The following FBXL20 variants were observed in gnomAD, a reference collection of about 807,000 sequenced individuals.
The protein encoded by FBXL20 is F-box and leucine rich repeat protein 20.
Under a neutral mutation model 64.0 loss-of-function variants are expected in FBXL20, and 11 were observed. The ratio of observed to expected loss-of-function variants is 0.17; its 90% CI spans 0.11 to 0.28. FBXL20 has a LOEUF of 0.28. FBXL20 is among the 10% of genes least tolerant of loss of function. The pLI is 1.00. For missense variants in FBXL20, 303 were observed against 526.2 expected, an observed-to-expected ratio of 0.58 and a Z score of 4.15; for synonymous variants, 184 against 189.0, an observed-to-expected ratio of 0.97 and a Z score of 0.22.
At chr17:39,302,605 C>A (rs1191556603) in intron 3 of FBXL20, among the ~76,000 whole-genome samples, 2 of 152,142 alleles carry the variant, frequency 1.3e-5, no homozygotes, top group Non-Finnish European at 2.9e-5. Flanking sequence ...TATCTCCCAA[C>A]CTCATGATCT....
At chr17:39,266,970 G>C (rs1449676451) in intron 12 of FBXL20, among the ~76,000 whole-genome samples, 1 of 151,940 alleles carries the variant, frequency 6.6e-6, no homozygotes, top group Non-Finnish European at 1.5e-5. Context: ...AGTCTGAGCA[G>C]GGCCAGACAT....
intron 2 of FBXL20, among the ~76,000 whole-genome samples, chr17:39,335,094 CCT>C (rs757618920): frequency 6.6e-6 from 1 of 152,116 alleles, no homozygotes; most frequent in Non-Finnish European, 1.5e-5. Context: ...TTGTGAAGAC[CCT>C]GTTTCTCTAG....
At chr17:39,379,900 G>A (rs1217359263) in intron 1 of FBXL20, among the ~76,000 whole-genome samples, 1 of 152,110 alleles carries the variant, frequency 6.6e-6, no homozygotes, top group Non-Finnish European at 1.5e-5. Context: ...GATCACTTGA[G>A]CCCAGGAGGT....
At chr17:39,358,504 G>A (rs186732239) in intron 1 of FBXL20, among the ~76,000 whole-genome samples, 2 of 152,080 alleles carry the variant, frequency 1.3e-5, no homozygotes, top group African/African-American at 4.8e-5. Context: ...CCAACATGGC[G>A]AAACCCTGTC....
chr17:39,343,089 T>C, intron 2 of FBXL20, 91 bp downstream of exon 2: 1 of 795,458 alleles, frequency 1.3e-6, no homozygotes, highest in Non-Finnish European at 2.0e-6. Flanking sequence ...ATACTATACA[T>C]ATATGAAAAT....
intron 2 of FBXL20, among the ~76,000 whole-genome samples, chr17:39,336,083 C>A (rs1360629015): frequency 6.6e-6 from 1 of 151,784 alleles, no homozygotes; most frequent in Non-Finnish European, 1.5e-5. Flanking sequence ...CCACCGTATT[C>A]CAGCCTAGGC....
chr17:39,371,921 ACT>A (rs1416616224), intron 1 of FBXL20, among the ~76,000 whole-genome samples: 1 of 151,988 alleles, frequency 6.6e-6, no homozygotes, highest in Non-Finnish European at 1.5e-5. Flanking sequence ...CCCATTATAG[ACT>A]TCTGGAAAGT....
intron 1 of FBXL20, among the ~76,000 whole-genome samples, chr17:39,381,060 T>A (rs2048018342): frequency 6.6e-6 from 1 of 151,474 alleles, no homozygotes; most frequent in African/African-American, 2.4e-5. Flanking sequence ...GTCAGGAGGC[T>A]GAAGCAGGAG....
intron 1 of FBXL20, among the ~76,000 whole-genome samples, chr17:39,363,062 C>T (rs142409025): frequency 5.3e-5 from 8 of 151,740 alleles, no homozygotes; most frequent in East Asian, 2.0e-4. Context: ...TGCAATGGCA[C>T]GCGATCTCAG....
chr17:39,256,269 T>C lies in FBXL20; in HGVS notation c.*5191A>G, dbSNP rs2046694589. ...CCAGGAGGCAGAGGTTGCAGTGAAC[T>C]GAGATTGTGCCATGGCACTCCAACC... On this transcript the variant is annotated 3_prime_UTR_variant, in exon 15 of 15. Coordinates refer to ENST00000264658, the MANE Select transcript of FBXL20 (RefSeq NM_032875.3). 7.0e-6 allele frequency: 1 copy of C among 143,296 alleles called. No homozygotes were observed. The highest frequency in any genetic ancestry group is 2.0e-4 in the East Asian group (1 of 4,920). 8.9% of individuals were successfully genotyped at this position (143,296 alleles called of 1,614,324 possible).
intron 2 of FBXL20, among the ~76,000 whole-genome samples, chr17:39,318,954 T>C (rs1379452780): frequency 6.6e-6 from 1 of 151,870 alleles, no homozygotes; most frequent in African/African-American, 2.4e-5. Context: ...CAAGACAATA[T>C]TAAAAAGAAT....
chr17:39,335,582 CA>C (rs36023380), intron 2 of FBXL20, among the ~76,000 whole-genome samples: 25,201 of 77,176 alleles, frequency 0.33, 1,231 homozygotes, highest in South Asian at 0.37. Context: ...GACTCCGTCT[CA>C]AAAAAAAAAA....
At chr17:39,372,464 A>G (rs1344549636) in intron 1 of FBXL20, among the ~76,000 whole-genome samples, 1 of 127,744 alleles carries the variant, frequency 7.8e-6, no homozygotes, top group African/African-American at 3.0e-5. Context: ...GGTTGCAGCG[A>G]GCCGAGATTG....
At position 39,260,809 on chromosome 17, in the gene FBXL20, T is replaced by C. The variant is rs1046096765; in HGVS notation, c.*651A>G. ...ACAAGTGTGCTACAGACAGTGATAA[T>C]TTGAGTGTGTAAGAATTACATTTGG... On this transcript the variant is annotated 3_prime_UTR_variant, in exon 15 of 15. Transcript: ENST00000264658. 2 of 154,622 alleles carry C rather than the reference T, an allele frequency of 1.3e-5. No homozygotes were observed. The highest frequency in any genetic ancestry group is 2.9e-5 in the Non-Finnish European group (2 of 69,262). 9.6% of individuals were successfully genotyped at this position (154,622 alleles called of 1,614,324 possible).
intron 2 of FBXL20, among the ~76,000 whole-genome samples, chr17:39,324,428 A>G (rs1203993044): frequency 1.3e-5 from 2 of 151,592 alleles, no homozygotes; most frequent in Admixed American, 1.3e-4. Context: ...AGCTGGGATT[A>G]CAGGCACTTG....
At position 39,293,023 on chromosome 17, in the gene FBXL20, C is replaced by T. The variant is rs573560612; in HGVS notation, c.398+4104G>A. On this transcript the variant is annotated intron_variant, in intron 6 of 14. Transcript: ENST00000264658. ...GGCCAGGCTGGTCTCAAACTCCTGACCTCAGGTGATCCGCCCACCTTGGCC... is the reference window on the plus strand; with the variant it reads ...GGCCAGGCTGGTCTCAAACTCCTGATCTCAGGTGATCCGCCCACCTTGGCC... Among the ~76,000 whole-genome samples, 7 of 152,070 alleles carry T rather than the reference C, an allele frequency of 4.6e-5. No individual in the cohort carries two copies. In the South Asian group the frequency reaches 1.0e-3, roughly 23 times the overall value.
chr17:39,322,799 ATTTAT>A (rs994977491), intron 2 of FBXL20, among the ~76,000 whole-genome samples: 8 of 152,060 alleles, frequency 5.3e-5, no homozygotes, highest in East Asian at 1.9e-4. Context: ...GTTTTTATTT[ATTTAT>A]TTTATTTTTT....
At chr17:39,356,503 A>C (rs921230771) in intron 1 of FBXL20, among the ~76,000 whole-genome samples, 19 of 152,068 alleles carry the variant, frequency 1.2e-4, no homozygotes, top group African/African-American at 4.3e-4. Context: ...CTACAGGTAC[A>C]TATCACCACG....
At chr17:39,291,633 T>C (rs1446949217) in intron 6 of FBXL20, among the ~76,000 whole-genome samples, 1 of 151,764 alleles carries the variant, frequency 6.6e-6, no homozygotes. Flanking sequence ...CGGGGTTTTG[T>C]CATGTTGGCC....
Sources: allele counts gnomAD v4.1 joint callset (sites outside exome capture counted in the v4.1 genomes callset), GRCh38; gene constraint gnomAD v4.1.1; transcripts MANE v1.5; gene names NCBI Gene and HGNC (gene_info 2026-07-23, HGNC 2026-07-21).